Variants in PLD1 observed in about 807,000 individuals in gnomAD.
PLD1 encodes the protein phospholipase D1, also known as choline phosphatase 1.
In PLD1, 112 loss-of-function variants were observed where a neutral mutation model predicts 137.1. That is an observed-to-expected ratio of 0.82 (90% CI 0.70 to 0.96). The LOEUF (loss-of-function observed/expected upper bound fraction) is 0.96, where lower values mean the gene tolerates loss of function less well. PLD1 is among the 40% of genes least tolerant of loss of function. The probability of loss-of-function intolerance (pLI) is 0.00; values close to 1 mark genes in which losing one functional copy is unlikely to be tolerated. For missense variants in PLD1, 1,321 were observed against 1,342.0 expected (o/e 0.98, Z 0.24); for synonymous variants, 431 against 454.7 (o/e 0.95, Z 0.66).
chr3:171,693,002 C>T (rs984144732), intron 12 of PLD1, among the ~76,000 whole-genome samples: 1 of 152,154 alleles, frequency 6.6e-6, no homozygotes, highest in Non-Finnish European at 1.5e-5. Context: ...GATTAAAGAT[C>T]CAAAACATTG....
intron 1 of PLD1, chr3:171,809,919 G>A (rs1437949012): frequency 6.6e-6 from 1 of 152,310 alleles, no homozygotes; most frequent in African/African-American, 2.4e-5. Context: ...GTGCTCTGCG[G>A]GCTGGGCTCG....
At chr3:171,705,046 C>G (rs1386009832) in intron 11 of PLD1, among the ~76,000 whole-genome samples, 1 of 152,184 alleles carries the variant, frequency 6.6e-6, no homozygotes, top group African/African-American at 2.4e-5. Flanking sequence ...CGCTACCTCC[C>G]CCGACAAGCT....
chr3:171,675,797 C>A lies in PLD1; in HGVS notation c.2115+918G>T, dbSNP rs113548929. On this transcript the variant is annotated intron_variant, in intron 18 of 26. Coordinates refer to ENST00000351298, the MANE Select transcript of PLD1 (RefSeq NM_002662.5). ...ACCAAGGGGAATCATGACTCATTAT[C>A]CCTTCAAGTAAATAAAGTGAAACTT... Among the ~76,000 whole-genome samples the A allele has an allele frequency of 2.0e-5, 3 of 152,022 alleles. No homozygotes were observed. In the East Asian group the frequency reaches 5.8e-4, roughly 29 times the overall value.
At chr3:171,755,262 T>TA (rs1222638331) in intron 1 of PLD1, among the ~76,000 whole-genome samples, 1 of 152,110 alleles carries the variant, frequency 6.6e-6, no homozygotes, top group Non-Finnish European at 1.5e-5. Context: ...TTCCTCCTTC[T>TA]AGTTCATCCC....
rs145098542 is a variant in PLD1, at chr3:171,737,963, G to A, written c.89C>T (p.Thr30Met). 26 of 1,613,884 alleles carry A rather than the reference G, an allele frequency of 1.6e-5. No homozygotes were observed. The highest frequency in any genetic ancestry group is 1.2e-4 in the Admixed American group (7 of 59,994). The part of the protein sequence containing the change: ...DMSNIIENLD[T>M]RELHFEGEEV... ...CTCTCCCTCAAAGTGGAGTTCCCGC[G>A]TGTCCAGATTTTCTATGATATTACT... The change falls in exon 2 of 27, where the codon ACG becomes ATG. Residue 30 changes from threonine (T) to methionine (M), a missense_variant. Coordinates refer to ENST00000351298, the MANE Select transcript of PLD1 (RefSeq NM_002662.5).
At chr3:171,613,928 C>A (rs1255338454) in intron 24 of PLD1, among the ~76,000 whole-genome samples, 1 of 152,180 alleles carries the variant, frequency 6.6e-6, no homozygotes, top group Non-Finnish European at 1.5e-5. Context: ...CTAGCTGCAA[C>A]AACTCCACTG....
intron 24 of PLD1, among the ~76,000 whole-genome samples, chr3:171,619,895 C>A (rs1163264360): frequency 6.6e-6 from 1 of 151,514 alleles, no homozygotes; most frequent in Non-Finnish European, 1.5e-5. Flanking sequence ...CACAGCGAGA[C>A]CCCCATCTCA....
chr3:171,717,605 A>G (rs1339798433), intron 8 of PLD1, among the ~76,000 whole-genome samples: 4 of 152,230 alleles, frequency 2.6e-5, no homozygotes, highest in African/African-American at 9.6e-5. Flanking sequence ...GAAGATGTAT[A>G]TCAGCTCAAG....
At position 171,638,121 on chromosome 3, in the gene PLD1, C is replaced by G. The variant is rs180812529; in HGVS notation, c.2593+4719G>C. Among the ~76,000 whole-genome samples, 695 of 146,560 alleles carry G rather than the reference C, an allele frequency of 4.7e-3. 5 individuals are homozygous for G. Among genetic ancestry groups the G allele is most frequent in the African/African-American group, 0.017 (656 of 39,466 alleles). ...AATGGCATGAACCTGGGAGGCGGAG[C>G]TTGCAGTGAGCCAAGATTGCGCCAC... On this transcript the variant is annotated intron_variant, in intron 23 of 26. Coordinates refer to ENST00000351298, the MANE Select transcript of PLD1 (RefSeq NM_002662.5).
At chr3:171,782,754 G>A (rs992056065) in intron 1 of PLD1, among the ~76,000 whole-genome samples, 5 of 152,124 alleles carry the variant, frequency 3.3e-5, no homozygotes, top group Non-Finnish European at 5.9e-5. Context: ...CTTTAAAGAG[G>A]AACAAAGATA....
At chr3:171,714,735 CAT>C (rs925151306) in intron 8 of PLD1, among the ~76,000 whole-genome samples, 57 of 152,188 alleles carry the variant, frequency 3.7e-4, no homozygotes, top group Non-Finnish European at 1.6e-4. Flanking sequence ...TTGATTTCCA[CAT>C]AGTTTCATTT....
In PLD1 at chr3:171,603,284, TG is replaced by T. The variant is rs771486541; in HGVS notation, c.3018del (p.Asn1007MetfsTer7). On this transcript the variant is annotated frameshift_variant, in exon 27 of 27. Transcript: ENST00000351298. LOFTEE classifies it high-confidence loss of function. ...TGAATTAAATTGTGTACTTCATCAT[TG>T]GGAAGGCACCGGAAAACCTGATTAG... The part of the protein sequence containing the change: ...TIYDKVFRCL[P>X]NDEVHNLIQL... 1 of 1,613,866 alleles carries T rather than the reference TG, an allele frequency of 6.2e-7. No homozygotes were observed. Among genetic ancestry groups the T allele is most frequent in the Non-Finnish European group, 8.5e-7 (1 of 1,179,808 alleles).
At chr3:171,613,530 A>C (rs933405974) in intron 24 of PLD1, among the ~76,000 whole-genome samples, 37 of 152,168 alleles carry the variant, frequency 2.4e-4, no homozygotes, top group African/African-American at 8.4e-4. Context: ...ATAGAGTATA[A>C]TCTCAAATAC....
chr3:171,688,471 G>T (rs1714793864), intron 14 of PLD1, among the ~76,000 whole-genome samples: 1 of 152,196 alleles, frequency 6.6e-6, no homozygotes, highest in Non-Finnish European at 1.5e-5. Context: ...GAGAAGAACA[G>T]ACTCAGCAAT....
chr3:171,659,828 G>C (rs1737518248), intron 20 of PLD1, among the ~76,000 whole-genome samples: 1 of 152,016 alleles, frequency 6.6e-6, no homozygotes, highest in Non-Finnish European at 1.5e-5. Context: ...TATTATCTCT[G>C]AACTTCTATT....
intron 1 of PLD1, among the ~76,000 whole-genome samples, chr3:171,808,533 CT>C (rs1386343132): frequency 6.6e-6 from 1 of 151,942 alleles, no homozygotes; most frequent in Non-Finnish European, 1.5e-5. Flanking sequence ...GAGACTCCGT[CT>C]CAAAAAATAA....
chr3:171,660,901 G>A (rs543756381), intron 20 of PLD1, among the ~76,000 whole-genome samples: 1 of 152,216 alleles, frequency 6.6e-6, no homozygotes, highest in South Asian at 2.1e-4. Context: ...GAGCCACCGT[G>A]CCCGGCCAGA....
At chr3:171,660,096 G>T (rs1397005432) in intron 20 of PLD1, among the ~76,000 whole-genome samples, 1 of 152,138 alleles carries the variant, frequency 6.6e-6, no homozygotes, top group Non-Finnish European at 1.5e-5. Flanking sequence ...TAACACATCT[G>T]TAATTTATAA....
chr3:171,770,249 A>T (rs1722250232), intron 1 of PLD1, among the ~76,000 whole-genome samples: 2 of 152,236 alleles, frequency 1.3e-5, no homozygotes, highest in Non-Finnish European at 2.9e-5. Context: ...CTTGAGAATA[A>T]AAACAGCAAA....
Sources: allele counts gnomAD v4.1 joint callset (sites outside exome capture counted in the v4.1 genomes callset), GRCh38; gene constraint gnomAD v4.1.1; transcripts MANE v1.5; gene names NCBI Gene and HGNC (gene_info 2026-07-23, HGNC 2026-07-21).